Variants in ADAP2 observed in about 807,000 individuals in gnomAD.
The protein encoded by ADAP2 is arf-GAP with dual PH domain-containing protein 2.
ADAP2 carries 42 observed loss-of-function variants against 54.9 expected under a neutral mutation model. The ratio of observed to expected loss-of-function variants is 0.77; its 90% CI spans 0.60 to 0.99. The LOEUF is 0.99. Ranked by LOEUF, ADAP2 falls within the 50% of genes least tolerant of loss-of-function variation. ADAP2 has a pLI of 0.00. For synonymous variants in ADAP2, 177 were observed against 180.1 expected, an observed-to-expected ratio of 0.98 and a Z score of 0.14; for missense variants, 429 against 480.4, an observed-to-expected ratio of 0.89 and a Z score of 1.00.
At chr17:30,937,410 C>T (rs1911971060) in intron 5 of ADAP2, among the ~76,000 whole-genome samples, 2 of 152,094 alleles carry the variant, frequency 1.3e-5, no homozygotes, top group Non-Finnish European at 2.9e-5. Context: ...TTAGTAGAGA[C>T]AGGGTTTCAC....
chr17:30,951,781 G>A (rs1004983967), intron 7 of ADAP2, among the ~76,000 whole-genome samples: 6 of 149,882 alleles, frequency 4.0e-5, no homozygotes, highest in Non-Finnish European at 7.4e-5. Flanking sequence ...TCAGCCTCCC[G>A]AGTAGCTGGG....
intron 3 of ADAP2, among the ~76,000 whole-genome samples, chr17:30,927,251 T>G (rs1319702889): frequency 1.3e-5 from 2 of 152,084 alleles, no homozygotes; most frequent in Non-Finnish European, 2.9e-5. Context: ...GTGGCTAACT[T>G]GATAAGAGGG....
chr17:30,943,923 G>A (rs1912465028), intron 5 of ADAP2, among the ~76,000 whole-genome samples: 1 of 151,816 alleles, frequency 6.6e-6, no homozygotes, highest in South Asian at 2.1e-4. Context: ...GGGGGCGGTG[G>A]CTCATGCCTG....
rs532646790 is a variant in ADAP2 at position 30,956,527 on chromosome 17, C to G, written c.1111+58C>G. The G allele has an allele frequency of 1.0e-5, 15 of 1,493,928 alleles. No homozygotes were observed. In the South Asian group the frequency reaches 1.7e-4, roughly 17 times the overall value. 92.5% of individuals were successfully genotyped at this position (1,493,928 alleles called of 1,614,324 possible). On this transcript the variant is annotated intron_variant, in intron 10 of 10. Coordinates refer to ENST00000330889, the MANE Select transcript of ADAP2 (RefSeq NM_018404.3). ...GACAAGGGCAGAGGACAGAAAATTG[C>G]TTCTTCACTTAGGTTCAGCTTTGAT...
Position 30,943,615 on chromosome 17 carries a change from G to A in ADAP2, c.511-1292G>A, listed in dbSNP as rs189152704. 2.2e-3 allele frequency among the ~76,000 whole-genome samples: 331 copies of A among 152,022 alleles called. 4 individuals are homozygous for A. Among genetic ancestry groups the A allele is most frequent in the African/African-American group, 7.6e-3 (317 of 41,480 alleles). On this transcript the variant is annotated intron_variant, in intron 5 of 10. Coordinates refer to ENST00000330889, the MANE Select transcript of ADAP2 (RefSeq NM_018404.3). ...TGTAATCCCAGAACTTTGGGAGGCCGAGGCAGGTGGATCACGAGGTCAGGA... is the reference window on the plus strand; with the variant it reads ...TGTAATCCCAGAACTTTGGGAGGCCAAGGCAGGTGGATCACGAGGTCAGGA...
intron 7 of ADAP2, among the ~76,000 whole-genome samples, chr17:30,949,889 C>T (rs950784219): frequency 2.6e-5 from 4 of 152,290 alleles, no homozygotes; most frequent in South Asian, 4.1e-4. Flanking sequence ...GCCTCACATA[C>T]GACAAGGCGG....
At chr17:30,946,371 C>T (rs1188143123) in intron 6 of ADAP2, among the ~76,000 whole-genome samples, 1 of 151,856 alleles carries the variant, frequency 6.6e-6, no homozygotes, top group Non-Finnish European at 1.5e-5. Flanking sequence ...TGGCTGAGAT[C>T]ACACCCAGCT....
rs559956348 is a variant in ADAP2 at position 30,926,880 on chromosome 17, C to T, written c.279C>T (p.Val93=). Residue 93 remains valine (V), a synonymous_variant, in exon 3 of 11, where the codon GTC becomes GTT. Coordinates refer to ENST00000330889, the MANE Select transcript of ADAP2 (RefSeq NM_018404.3). ...TGAAGGCCAAGTTCGAAGCCAGAGT[C>T]CCAGCTTTCTACTACATCCCCCAGG... ...LRVKAKFEAR[V]PAFYYIPQAN... 14 of 1,614,184 alleles carry T rather than the reference C, an allele frequency of 8.7e-6. No homozygotes were observed. The East Asian group carries it at 1.6e-4, about 18-fold the overall frequency.
intron 7 of ADAP2, 109 bp from the exon 8 acceptor site, chr17:30,953,179 C>T (rs138525120): frequency 1.7e-4 from 150 of 904,032 alleles, no homozygotes; most frequent in East Asian, 1.6e-3. Context: ...GAGCCATGAG[C>T]GTACATCCTT....
intron 9 of ADAP2, among the ~76,000 whole-genome samples, chr17:30,955,092 C>T (rs558244684): frequency 4.0e-5 from 6 of 149,286 alleles, no homozygotes; most frequent in East Asian, 1.9e-4. Flanking sequence ...ATAAGTGCTC[C>T]GTAAATGTTA....
At chr17:30,931,757 G>C in intron 3 of ADAP2, 132 bp from the exon 4 acceptor site, 2 of 604,318 alleles carry the variant, frequency 3.3e-6, no homozygotes, top group East Asian at 2.9e-5. Flanking sequence ...GGAGGTCTAG[G>C]CTGCAGTGAG....
rs1905199511 is a variant in ADAP2, at chr17:30,958,080, T to TA, written c.*212dup. ...CTCGGGGATCTGAGGATCTGGTGCATAGATGAACATCTATCCCCTCCTCCC... is the reference window on the plus strand; with the variant it reads ...CTCGGGGATCTGAGGATCTGGTGCATAAGATGAACATCTATCCCCTCCTCCC... On this transcript the variant is annotated 3_prime_UTR_variant, in exon 11 of 11. Coordinates refer to ENST00000330889, the MANE Select transcript of ADAP2 (RefSeq NM_018404.3). 1.7e-6 allele frequency: 1 copy of TA among 604,756 alleles called. No individual in the cohort carries two copies. The highest frequency in any genetic ancestry group is 1.8e-5 in the African/African-American group (1 of 54,266). The allele number at this position is 604,756 out of a possible 1,614,324, so 37.5% of individuals were successfully genotyped here.
chr17:30,933,948 G>GAA (rs1911682622), intron 4 of ADAP2, among the ~76,000 whole-genome samples: 2 of 152,224 alleles, frequency 1.3e-5, no homozygotes, highest in African/African-American at 4.8e-5. Flanking sequence ...CTGATACACA[G>GAA]AAAGTCAAGG....
chr17:30,928,584 A>T (rs1911244716), intron 3 of ADAP2, among the ~76,000 whole-genome samples: 2 of 152,212 alleles, frequency 1.3e-5, no homozygotes. Context: ...TTCTTTCAAC[A>T]ACCCTACAAG....
chr17:30,954,574 C>T lies in ADAP2; in HGVS notation c.882+19C>T, dbSNP rs1414972959. The T allele has an allele frequency of 6.8e-6, 11 of 1,608,118 alleles. No homozygotes were observed. Among genetic ancestry groups the T allele is most frequent in the African/African-American group, 1.3e-5 (1 of 74,772 alleles). ...CCCACTGGTAAGAGCCACTCCTGCT[C>T]CCTCCCCAGGGCTTCCTCAAACATT... is the stretch of plus-strand genomic sequence containing the variant. On this transcript the variant is annotated intron_variant, in intron 9 of 10. Transcript: ENST00000330889.
intron 3 of ADAP2, among the ~76,000 whole-genome samples, chr17:30,929,191 C>A (rs2142515072): frequency 6.6e-6 from 1 of 152,366 alleles, no homozygotes; most frequent in East Asian, 1.9e-4. Flanking sequence ...TGATTGTCAA[C>A]ATCCTCATCT....
chr17:30,924,859 C>CTTTTTTTTTTTTTTTT (rs199816533), intron 2 of ADAP2, among the ~76,000 whole-genome samples: 1 of 149,234 alleles, frequency 6.7e-6, no homozygotes, highest in African/African-American at 2.5e-5. Flanking sequence ...GTTATATTTT[C>CTTTTTTTTTTTTTTTT]TTTTTTGTTT....
intron 3 of ADAP2, among the ~76,000 whole-genome samples, chr17:30,929,913 T>C (rs1454009802): frequency 6.6e-6 from 1 of 152,144 alleles, no homozygotes; most frequent in Non-Finnish European, 1.5e-5. Context: ...GGTTTCATCA[T>C]GTTGCCCAGG....
chr17:30,931,657 AC>A lies in ADAP2; in HGVS notation c.318-231del, dbSNP rs555532268. Among the ~76,000 whole-genome samples, 260 of 152,010 alleles carry A rather than the reference AC, an allele frequency of 1.7e-3. 10 individuals carry two copies. In the South Asian group the frequency reaches 0.051, roughly 30 times the overall value. ...GCAACATAGGGAGACCCCCATCTCTACAAAAATTTAAAAATTAGCCAGGTGT... is the reference window on the plus strand; with the variant it reads ...GCAACATAGGGAGACCCCCATCTCTAAAAAATTTAAAAATTAGCCAGGTGT... On this transcript the variant is annotated intron_variant, in intron 3 of 10. Coordinates refer to ENST00000330889, the MANE Select transcript of ADAP2 (RefSeq NM_018404.3).
Sources: allele counts gnomAD v4.1 joint callset (sites outside exome capture counted in the v4.1 genomes callset), GRCh38; gene constraint gnomAD v4.1.1; transcripts MANE v1.5; gene names NCBI Gene and HGNC (gene_info 2026-07-23, HGNC 2026-07-21).